CSMD2: variants seen among roughly 807,000 people sequenced by gnomAD.
The protein encoded by CSMD2 is CUB and Sushi multiple domains 2.
Under a neutral mutation model 398.5 loss-of-function variants are expected in CSMD2, and 130 were observed. The ratio of observed to expected loss-of-function variants is 0.33; its 90% CI spans 0.28 to 0.38. The LOEUF is 0.38. Among genes scored for constraint, CSMD2 ranks in the 10% least tolerant of loss-of-function variants. The pLI is 1.00. For synonymous variants in CSMD2, 1,828 were observed against 1,908.5 expected (o/e 0.96, Z 1.10); for missense variants, 3,829 against 4,764.9 (o/e 0.80, Z 5.78).
At position 33,991,074 on chromosome 1, in the gene CSMD2, A is replaced by G. The variant is rs6425867; in HGVS notation, c.517+41520T>C. On this transcript the variant is annotated intron_variant, in intron 3 of 70. Coordinates refer to ENST00000373381, the MANE Select transcript of CSMD2 (RefSeq NM_001281956.2). ...CTGTCTGTTGCCCAGACTGGAGTAC[A>G]GAGGCATAATCTTAGATCACTGCAG... is the stretch of plus-strand genomic sequence containing the variant. 9.7e-3 allele frequency among the ~76,000 whole-genome samples: 1,465 copies of G among 151,506 alleles called. 22 individuals carry two copies. The highest frequency in any genetic ancestry group is 0.034 in the African/African-American group (1,400 of 41,304).
chr1:33,581,035 G>T, intron 47 of CSMD2, 136 bp from the exon 48 acceptor site: 1 of 760,528 alleles, frequency 1.3e-6, no homozygotes, highest in Non-Finnish European at 2.1e-6. Context: ...TCCTCTCTCT[G>T]CATCCACAGG....
chr1:33,966,448 G>C (rs1209829549), intron 3 of CSMD2, among the ~76,000 whole-genome samples: 1 of 152,226 alleles, frequency 6.6e-6, no homozygotes, highest in Non-Finnish European at 1.5e-5. Flanking sequence ...CTCAGCTAGT[G>C]AAGAAACCTT....
intron 12 of CSMD2, 28 bp downstream of exon 12, chr1:33,788,572 G>A (rs778363570): frequency 1.6e-6 from 2 of 1,250,676 alleles, no homozygotes; most frequent in South Asian, 2.4e-5. Flanking sequence ...CCAGGACACA[G>A]TTCATCTGGC....
intron 1 of CSMD2, among the ~76,000 whole-genome samples, chr1:34,091,944 T>C (rs1658616290): frequency 1.3e-5 from 2 of 152,070 alleles, no homozygotes; most frequent in African/African-American, 4.8e-5. Context: ...AAAATTATGG[T>C]TTGTAGATGA....
chr1:34,091,931 A>G (rs1330492171), intron 1 of CSMD2, among the ~76,000 whole-genome samples: 3 of 152,192 alleles, frequency 2.0e-5, no homozygotes, highest in Non-Finnish European at 4.4e-5. Context: ...GAAAAGAGGA[A>G]GCAAAATTAT....
intron 5 of CSMD2, among the ~76,000 whole-genome samples, chr1:33,854,947 T>C (rs1570278103): frequency 1.3e-5 from 2 of 152,114 alleles, no homozygotes; most frequent in East Asian, 3.9e-4. Flanking sequence ...GCTTGGTGTG[T>C]CAGTTTCCTT....
At chr1:33,652,548 A>G in intron 27 of CSMD2, 87 bp from the exon 28 acceptor site, 1 of 1,498,820 alleles carries the variant, frequency 6.7e-7, no homozygotes, top group Non-Finnish European at 9.1e-7. Flanking sequence ...TTGAGAGAGG[A>G]GAGGCTGAGG....
chr1:34,038,527 A>T (rs1410249720), intron 2 of CSMD2, among the ~76,000 whole-genome samples: 1 of 152,204 alleles, frequency 6.6e-6, no homozygotes, highest in African/African-American at 2.4e-5. Flanking sequence ...CAGAGTCTTG[A>T]AAATGGGACG....
intron 41 of CSMD2, chr1:33,605,840 T>C: frequency 1.3e-6 from 2 of 1,599,710 alleles, no homozygotes; most frequent in Non-Finnish European, 1.7e-6. Context: ...CTAACTCCTT[T>C]CATGTTGCTT....
chr1:33,878,396 C>T (rs546902519), intron 5 of CSMD2: 1 of 152,412 alleles, frequency 6.6e-6, no homozygotes, highest in African/African-American at 2.4e-5. Context: ...ACCCCCGCTG[C>T]TTTTATTAGA....
At chr1:33,847,788 C>G (rs1638381038) in intron 5 of CSMD2, among the ~76,000 whole-genome samples, 1 of 152,134 alleles carries the variant, frequency 6.6e-6, no homozygotes, top group Non-Finnish European at 1.5e-5. Context: ...CAGAAACCCT[C>G]TGAGACTTAG....
Position 33,808,239 on chromosome 1 carries a change from G to A in CSMD2, c.1446+2504C>T, listed in dbSNP as rs377295234. 4.1e-4 allele frequency among the ~76,000 whole-genome samples: 63 copies of A among 152,034 alleles called. 1 individual carries two copies. The South Asian group carries it at 0.012, about 30-fold the overall frequency. ...GATGAAGAAGACAAGAAAAATCAAT[G>A]AAGATATAAAAGAGACAAACACAAT... On this transcript the variant is annotated intron_variant, in intron 10 of 70. Transcript: ENST00000373381.
chr1:34,158,907 C>T (rs1482373525), intron 1 of CSMD2, among the ~76,000 whole-genome samples: 1 of 152,202 alleles, frequency 6.6e-6, no homozygotes. Flanking sequence ...ATTTAACCAG[C>T]ACTCGGTAAA....
chr1:33,821,733 G>T (rs780403943), intron 7 of CSMD2, among the ~76,000 whole-genome samples: 11 of 152,182 alleles, frequency 7.2e-5, no homozygotes, highest in Admixed American at 3.3e-4. Flanking sequence ...CTGTCCTCAA[G>T]GAGTTTCCAG....
At chr1:33,764,893 T>C (rs912436457) in intron 13 of CSMD2, among the ~76,000 whole-genome samples, 1 of 152,132 alleles carries the variant, frequency 6.6e-6, no homozygotes, top group African/African-American at 2.4e-5. Context: ...GTTTCAGCCA[T>C]AGAGGGGAGG....
At chr1:34,091,551 T>G (rs1340020376) in intron 1 of CSMD2, among the ~76,000 whole-genome samples, 2 of 152,174 alleles carry the variant, frequency 1.3e-5, no homozygotes, top group East Asian at 3.8e-4. Context: ...CACTAATTTT[T>G]TTAAAGCCCA....
chr1:33,793,613 A>G (rs1053037305), intron 10 of CSMD2, among the ~76,000 whole-genome samples: 3 of 152,174 alleles, frequency 2.0e-5, no homozygotes, highest in Non-Finnish European at 4.4e-5. Flanking sequence ...GGAGCAGTAG[A>G]GTTTTAAATA....
chr1:33,771,362 C>T (rs1354662349), intron 13 of CSMD2, among the ~76,000 whole-genome samples: 5 of 152,162 alleles, frequency 3.3e-5, no homozygotes, highest in Admixed American at 6.5e-5. Context: ...GTGGCTAATG[C>T]TGTTGGGCTC....
At chr1:34,065,375 G>C (rs1282710441) in intron 2 of CSMD2, among the ~76,000 whole-genome samples, 1 of 152,184 alleles carries the variant, frequency 6.6e-6, no homozygotes, top group Non-Finnish European at 1.5e-5. Flanking sequence ...GGCATGGGCT[G>C]GGGTCCAAAT....
Sources: gnomAD v4.1 joint callset for allele counts (sites outside exome capture counted in the v4.1 genomes callset) on GRCh38, gnomAD v4.1.1 for gene constraint, MANE v1.5 for transcripts, NCBI Gene and HGNC (gene_info 2026-07-23, HGNC 2026-07-21) for gene names.